The following CSMD1 variants were observed in gnomAD, a reference collection of about 807,000 sequenced individuals.
CSMD1 encodes CUB and sushi domain-containing protein 1.
A neutral mutation model predicts 417.5 loss-of-function variants in CSMD1; 213 were observed. That is an observed-to-expected ratio of 0.51 (90% CI 0.46 to 0.57). The LOEUF (loss-of-function observed/expected upper bound fraction) is 0.57. Ranked by LOEUF, CSMD1 falls within the 20% of genes least tolerant of loss-of-function variation. The probability of loss-of-function intolerance (pLI) is 0.00; values close to 1 mark genes in which losing one functional copy is unlikely to be tolerated. For synonymous variants in CSMD1, 2,862 were observed against 1,736.8 expected (o/e 1.65, Z -16.11); for missense variants, 6,923 against 4,529.7 (o/e 1.53, Z -15.17).
At chr8:4,407,289 G>T (rs1012376624) in intron 3 of CSMD1, among the ~76,000 whole-genome samples, 29 of 152,084 alleles carry the variant, frequency 1.9e-4, no homozygotes, top group African/African-American at 7.0e-4. Context: ...AATTTCATAG[G>T]AATAAAATCA....
At chr8:4,238,869 C>A (rs545350541) in intron 3 of CSMD1, among the ~76,000 whole-genome samples, 1 of 152,054 alleles carries the variant, frequency 6.6e-6, no homozygotes, top group African/African-American at 2.4e-5. Context: ...ATAGCAAATG[C>A]AATTTTTTTA....
At chr8:4,309,446 A>G (rs73191946) in intron 3 of CSMD1, among the ~76,000 whole-genome samples, 96,128 of 148,184 alleles carry the variant, frequency 0.65, 31,430 homozygotes, top group East Asian at 0.86. Flanking sequence ...TATAATTTTA[A>G]TATTATGAAA....
chr8:4,946,613 G>C (rs1346179338), intron 1 of CSMD1, among the ~76,000 whole-genome samples: 4 of 152,258 alleles, frequency 2.6e-5, no homozygotes, highest in East Asian at 3.9e-4. Flanking sequence ...TCTAAGGAAG[G>C]AGGTACTAAA....
intron 3 of CSMD1, among the ~76,000 whole-genome samples, chr8:4,403,166 A>G (rs779582989): frequency 1.3e-5 from 2 of 152,124 alleles, no homozygotes; most frequent in Non-Finnish European, 1.5e-5. Context: ...CCACTTTTAC[A>G]TAAGACATTA....
intron 3 of CSMD1, among the ~76,000 whole-genome samples, chr8:4,253,197 G>A (rs575914908): frequency 1.5e-4 from 23 of 152,040 alleles, no homozygotes; most frequent in Admixed American, 3.3e-4. Flanking sequence ...CCTCTTCTAC[G>A]ATCCCGCCCC....
At chr8:2,966,010 T>C (rs1803922731) in intron 58 of CSMD1, 56 bp from the exon 59 acceptor site, 1 of 1,438,934 alleles carries the variant, frequency 6.9e-7, no homozygotes, top group African/African-American at 1.4e-5. Flanking sequence ...TGAAATGAAT[T>C]AGTCACCATT....
Position 4,582,279 on chromosome 8 carries a change from C to T in CSMD1, c.302+55063G>A, listed in dbSNP as rs561385335. ...AAAAATGGTCCCGGACATGATCTTC[C>T]GGCTAAGATAAAACAGCTTGTTATC... is the stretch of plus-strand genomic sequence containing the variant. On this transcript the variant is annotated intron_variant, in intron 2 of 69. Transcript: ENST00000635120. 2.6e-5 allele frequency among the ~76,000 whole-genome samples: 4 copies of T among 152,184 alleles called. No homozygotes were observed. The South Asian group carries it at 6.2e-4, about 24-fold the overall frequency.
chr8:4,801,963 C>T (rs894127878), intron 1 of CSMD1, among the ~76,000 whole-genome samples: 7 of 152,150 alleles, frequency 4.6e-5, no homozygotes, highest in Admixed American at 3.9e-4. Flanking sequence ...CTCTTCCTTT[C>T]ATATTTACTG....
chr8:4,365,305 C>A (rs563267040), intron 3 of CSMD1, among the ~76,000 whole-genome samples: 18 of 152,130 alleles, frequency 1.2e-4, no homozygotes, highest in African/African-American at 4.3e-4. Flanking sequence ...AGGATTACAC[C>A]TGATTCTGAA....
chr8:4,057,377 G>T (rs917373241), intron 3 of CSMD1, among the ~76,000 whole-genome samples: 2 of 148,646 alleles, frequency 1.3e-5, no homozygotes, highest in African/African-American at 2.4e-5. Flanking sequence ...TTTTGATGGG[G>T]TTATTTGTTT....
At chr8:4,168,493 G>A (rs80351271) in intron 3 of CSMD1, among the ~76,000 whole-genome samples, 1 of 151,680 alleles carries the variant, frequency 6.6e-6, no homozygotes, top group Non-Finnish European at 1.5e-5. Flanking sequence ...TAGAAAAAAG[G>A]GCTCTAACAT....
intron 3 of CSMD1, among the ~76,000 whole-genome samples, chr8:4,136,909 G>A (rs1417792228): frequency 6.6e-6 from 1 of 152,130 alleles, no homozygotes; most frequent in East Asian, 1.9e-4. Context: ...AACAGTCACA[G>A]CCACTCTTTC....
At chr8:4,635,817 C>T (rs1159057884) in intron 2 of CSMD1, among the ~76,000 whole-genome samples, 1 of 151,882 alleles carries the variant, frequency 6.6e-6, no homozygotes, top group Non-Finnish European at 1.5e-5. Context: ...CAAATACTAA[C>T]ACATAAGACC....
intron 5 of CSMD1, among the ~76,000 whole-genome samples, chr8:3,865,206 T>C (rs1418437558): frequency 2.0e-5 from 3 of 152,194 alleles, no homozygotes; most frequent in African/African-American, 7.2e-5. Flanking sequence ...TCTTGGAAAA[T>C]GACAGACATA....
chr8:2,960,173 A>T (rs537573020), intron 62 of CSMD1, among the ~76,000 whole-genome samples: 19 of 152,358 alleles, frequency 1.2e-4, no homozygotes, highest in Admixed American at 1.1e-3. Flanking sequence ...ATTCCTTGAC[A>T]ATTTGGCATT....
At chr8:3,958,546 T>C (rs1812123078) in intron 5 of CSMD1, among the ~76,000 whole-genome samples, 1 of 152,212 alleles carries the variant, frequency 6.6e-6, no homozygotes, top group African/African-American at 2.4e-5. Context: ...ATTATTCATT[T>C]ACTGAGGTAT....
intron 2 of CSMD1, among the ~76,000 whole-genome samples, chr8:4,617,353 A>T (rs1801528052): frequency 6.6e-6 from 1 of 152,208 alleles, no homozygotes; most frequent in Non-Finnish European, 1.5e-5. Context: ...ACGGAATGTA[A>T]ACAGAGCTGA....
At chr8:4,172,246 G>T (rs1210793088) in intron 3 of CSMD1, among the ~76,000 whole-genome samples, 1 of 152,034 alleles carries the variant, frequency 6.6e-6, no homozygotes, top group African/African-American at 2.4e-5. Flanking sequence ...AGTCTGCACT[G>T]AACAAATGAA....
intron 3 of CSMD1, among the ~76,000 whole-genome samples, chr8:4,327,907 A>G (rs181076592): frequency 2.6e-5 from 4 of 152,276 alleles, no homozygotes; most frequent in Admixed American, 6.5e-5. Context: ...CCAGGTCCCT[A>G]ATTTTCCTTG....
Sources: allele counts gnomAD v4.1 joint callset (sites outside exome capture counted in the v4.1 genomes callset), GRCh38; gene constraint gnomAD v4.1.1; transcripts MANE v1.5; gene names NCBI Gene and HGNC (gene_info 2026-07-23, HGNC 2026-07-21).